The following LTBP1 variants were observed in gnomAD, a reference collection of about 807,000 sequenced individuals.
LTBP1 encodes latent transforming growth factor beta binding protein 1, also known as latent-transforming growth factor beta-binding protein 1.
A neutral mutation model predicts 207.6 loss-of-function variants in LTBP1; 129 were observed. The observed-to-expected ratio is 0.62, with a 90% CI of 0.54 to 0.72. The LOEUF is 0.72. Among genes scored for constraint, LTBP1 ranks in the 30% least tolerant of loss-of-function variants. The pLI, the probability that LTBP1 is intolerant of heterozygous loss-of-function variation, is 0.00. For missense variants in LTBP1, 2,281 were observed against 2,217.2 expected (o/e 1.03, Z -0.58); for synonymous variants, 963 against 833.7 (o/e 1.16, Z -2.67).
At chr2:32,988,437 A>T (rs1468096342) in intron 2 of LTBP1, among the ~76,000 whole-genome samples, 2 of 152,198 alleles carry the variant, frequency 1.3e-5, no homozygotes, top group African/African-American at 4.8e-5. Flanking sequence ...CTAAAGAGCC[A>T]TAGGAACCCT....
chr2:33,138,914 A>T (rs1187306886), intron 5 of LTBP1, among the ~76,000 whole-genome samples: 2 of 118,512 alleles, frequency 1.7e-5, no homozygotes, highest in East Asian at 5.2e-4. Context: ...GCTGGAGTGC[A>T]GTGGCGCGAT....
intron 3 of LTBP1, among the ~76,000 whole-genome samples, chr2:33,065,631 G>A (rs372675331): frequency 6.6e-6 from 1 of 152,048 alleles, no homozygotes; most frequent in Non-Finnish European, 1.5e-5. Context: ...TCGATTTGTG[G>A]ACCCTTTTTA....
chr2:33,198,850 C>T (rs921469548), intron 7 of LTBP1, among the ~76,000 whole-genome samples: 57 of 152,278 alleles, frequency 3.7e-4, no homozygotes, highest in East Asian at 1.9e-3. Context: ...AAAAAACCAG[C>T]TCCTGGATTC....
At chr2:33,382,639 C>A (rs1473476746) in intron 31 of LTBP1, among the ~76,000 whole-genome samples, 1 of 152,160 alleles carries the variant, frequency 6.6e-6, no homozygotes, top group Non-Finnish European at 1.5e-5. Flanking sequence ...CGTAATGAAG[C>A]AATGAATGAA....
intron 5 of LTBP1, among the ~76,000 whole-genome samples, chr2:33,157,450 G>A (rs1001798125): frequency 6.6e-6 from 1 of 152,194 alleles, no homozygotes; most frequent in Non-Finnish European, 1.5e-5. Context: ...TGAATGGGAA[G>A]CCCTTAGAGC....
intron 9 of LTBP1, among the ~76,000 whole-genome samples, chr2:33,231,453 T>C (rs1043023476): frequency 2.0e-5 from 3 of 152,200 alleles, no homozygotes; most frequent in African/African-American, 4.8e-5. Flanking sequence ...ATATCTGTTA[T>C]TAAATGAGAC....
At chr2:33,129,838 C>T (rs748679928) in intron 4 of LTBP1, among the ~76,000 whole-genome samples, 36 of 152,108 alleles carry the variant, frequency 2.4e-4, no homozygotes, top group Admixed American at 1.4e-3. Context: ...CTCAGTAACT[C>T]AAGAGATGGA....
Position 33,154,145 on chromosome 2 carries a change from C to A in LTBP1, c.1201+19185C>A, listed in dbSNP as rs1188365779. Among the ~76,000 whole-genome samples the A allele has an allele frequency of 2.0e-5, 3 of 152,266 alleles. No individual in the cohort carries two copies. In the South Asian group the frequency reaches 6.2e-4, roughly 32 times the overall value. On this transcript the variant is annotated intron_variant, in intron 5 of 33. Transcript: ENST00000404816. The stretch of plus-strand genomic sequence containing the variant: ...TTAAATTTTGCACCACTTGAATGTG[C>A]CTTTCTTTCCTGACTGGCCCTTGAC...
intron 7 of LTBP1, among the ~76,000 whole-genome samples, chr2:33,209,185 A>C (rs563588733): frequency 6.6e-6 from 1 of 152,116 alleles, no homozygotes; most frequent in South Asian, 2.1e-4. Flanking sequence ...TCTTTCTACT[A>C]TTGCACCCTG....
In LTBP1 at chr2:33,023,884, A is replaced by G. The variant is rs138577081; in HGVS notation, c.863+2678A>G. Among the ~76,000 whole-genome samples the G allele has an allele frequency of 3.3e-3, 503 of 152,350 alleles. 1 individual carries two copies. The highest frequency in any genetic ancestry group is 4.6e-3 in the South Asian group (22 of 4,830). ...GGCCCACTTTGGCTACTTTTGAGAAATGTTACAATCCTTAAGTTATCTTTC... is the reference window on the plus strand; with the variant it reads ...GGCCCACTTTGGCTACTTTTGAGAAGTGTTACAATCCTTAAGTTATCTTTC... On this transcript the variant is annotated intron_variant, in intron 3 of 33. Transcript: ENST00000404816.
At chr2:33,372,834 A>G (rs1260371002) in intron 31 of LTBP1, among the ~76,000 whole-genome samples, 3 of 152,228 alleles carry the variant, frequency 2.0e-5, no homozygotes, top group Non-Finnish European at 2.9e-5. Flanking sequence ...ACTGCACTCT[A>G]GTTTGGACAA....
intron 7 of LTBP1, among the ~76,000 whole-genome samples, chr2:33,192,258 C>A (rs917605029): frequency 6.6e-6 from 1 of 152,040 alleles, no homozygotes; most frequent in African/African-American, 2.4e-5. Flanking sequence ...GTCAGGAAGC[C>A]CCTTTGACTA....
intron 5 of LTBP1, among the ~76,000 whole-genome samples, chr2:33,174,770 C>T (rs1369461312): frequency 6.6e-6 from 1 of 152,142 alleles, no homozygotes; most frequent in Non-Finnish European, 1.5e-5. Flanking sequence ...TACAAGGCTA[C>T]AGTAACCAAA....
chr2:33,034,830 C>T (rs909136993), intron 3 of LTBP1, among the ~76,000 whole-genome samples: 1 of 151,836 alleles, frequency 6.6e-6, no homozygotes, highest in African/African-American at 2.4e-5. Context: ...ATATCCATGC[C>T]AATCAATTAG....
chr2:33,377,535 C>G (rs996999906), intron 31 of LTBP1, among the ~76,000 whole-genome samples: 1 of 152,142 alleles, frequency 6.6e-6, no homozygotes, highest in African/African-American at 2.4e-5. Context: ...TTTGGCCACT[C>G]TCTGTTATAA....
chr2:33,212,007 A>G (rs1018278809), intron 7 of LTBP1, among the ~76,000 whole-genome samples: 2 of 152,228 alleles, frequency 1.3e-5, no homozygotes, highest in South Asian at 4.1e-4. Context: ...TTAGATACAT[A>G]CATTACCCTG....
intron 2 of LTBP1, among the ~76,000 whole-genome samples, chr2:32,968,890 AT>A (rs1385190096): frequency 8.7e-6 from 1 of 114,428 alleles, no homozygotes; most frequent in Non-Finnish European, 1.8e-5. Context: ...CACCTGGCTG[AT>A]TTTTTTCTTT....
Position 33,134,674 on chromosome 2 carries a change from CT to C in LTBP1, c.1034-115del. The C allele has an allele frequency of 1.3e-6, 2 of 1,587,144 alleles. No homozygotes were observed. The highest frequency in any genetic ancestry group is 2.2e-5 in the East Asian group (1 of 44,644). The stretch of plus-strand genomic sequence containing the variant: ...AAACCTGTCGGGTTGTGGGCTCTCT[CT>C]TTTCCCCTCTTGCTCCTTTCTTTTC... On this transcript the variant is annotated intron_variant, in intron 4 of 33. Transcript: ENST00000404816. This position sits in a 1 kb window ranked among gnomAD's most constrained non-coding sequence, Gnocchi z 4.4.
intron 32 of LTBP1, among the ~76,000 whole-genome samples, chr2:33,395,409 A>G (rs1274880086): frequency 6.6e-6 from 1 of 152,212 alleles, no homozygotes; most frequent in Non-Finnish European, 1.5e-5. Context: ...CAAGGTACAC[A>G]TAGGGAAATG....
Sources: gnomAD v4.1 joint callset for allele counts (sites outside exome capture counted in the v4.1 genomes callset) on GRCh38, gnomAD v4.1.1 for gene constraint, Gnocchi (gnomAD v3.1) non-coding constraint, MANE v1.5 for transcripts, NCBI Gene and HGNC (gene_info 2026-07-23, HGNC 2026-07-21) for gene names.